The following INAFM1 variants were observed in gnomAD, a reference collection of about 807,000 sequenced individuals.
The protein encoded by INAFM1 is putative transmembrane protein INAFM1.
INAFM1 carries 11 observed loss-of-function variants against 9.4 expected under a neutral mutation model. The ratio of observed to expected loss-of-function variants is 1.17; its 90% CI spans 0.74 to 1.94. INAFM1 has a LOEUF of 1.94. Ranked by LOEUF, INAFM1 falls within the 30% of genes most tolerant of loss-of-function variation. The pLI is 0.00. For synonymous variants in INAFM1, 161 were observed against 109.5 expected, an observed-to-expected ratio of 1.47 and a Z score of -2.94; for missense variants, 318 against 221.6, an observed-to-expected ratio of 1.44 and a Z score of -2.76.
In INAFM1 at chr19:47,275,617, G is replaced by T; in HGVS notation, c.*269G>T. 1 of 504,206 alleles carries T rather than the reference G, an allele frequency of 2.0e-6. No homozygotes were observed. The highest frequency in any genetic ancestry group is 3.6e-6 in the Non-Finnish European group (1 of 280,052). 31.2% of individuals were successfully genotyped at this position (504,206 alleles called of 1,614,324 possible). ...TGCCCCTCCTGCTGTGGGATGCTGA[G>T]CACAGAGCCCACAGCCCATCTGCCT... On this transcript the variant is annotated 3_prime_UTR_variant, in exon 1 of 1. Transcript: ENST00000552360.
Position 47,275,262 on chromosome 19 carries a change from C to CGA in INAFM1, c.344_345insAG (p.Arg116AlafsTer106). 6.5e-7 allele frequency: 1 copy of CGA among 1,540,780 alleles called. No homozygotes were observed. Among genetic ancestry groups the CGA allele is most frequent in the Middle Eastern group, 1.9e-4 (1 of 5,130 alleles). On this transcript the variant is annotated frameshift_variant, in exon 1 of 1. Coordinates refer to ENST00000552360, the MANE Select transcript of INAFM1 (RefSeq NM_178511.6). LOFTEE classifies it high-confidence loss of function. ...GCTCCAGCTGCCGCTGAGCCGCCGC[C>CGA]GCCGCTACAGCGACCCTGACCGCCG...
Position 47,274,957 on chromosome 19 carries a change from G to T in INAFM1, c.38G>T (p.Ser13Ile), listed in dbSNP as rs1350201002. The part of the protein sequence containing the change: ...GTSCVGGGAE[S>I]PGGAGLSEGP... ...AGCTGCGTGGGCGGCGGCGCCGAGA[G>T]CCCCGGAGGCGCGGGGCTGAGCGAG... is the stretch of plus-strand genomic sequence containing the variant. Residue 13 changes from serine (S) to isoleucine (I), a missense_variant, in exon 1 of 1, where the codon AGC (serine) becomes ATC (isoleucine). Physicochemically the swap from Ser to Ile is moderately radical, Grantham distance 142. Coordinates refer to ENST00000552360, the MANE Select transcript of INAFM1 (RefSeq NM_178511.6). 34 of 1,388,450 alleles carry T rather than the reference G, an allele frequency of 2.4e-5. No homozygotes were observed. The highest frequency in any genetic ancestry group is 3.2e-5 in the Non-Finnish European group (34 of 1,078,814). 86.0% of individuals were successfully genotyped at this position (1,388,450 alleles called of 1,614,324 possible).
At position 47,274,996 on chromosome 19, in the gene INAFM1, G is replaced by T. The variant is rs1304946509; in HGVS notation, c.77G>T (p.Arg26Leu). The stretch of plus-strand genomic sequence containing the variant: ...GGGCTGAGCGAGGGCCCGCGGGGGC[G>T]CTGGCTGCGCTTGGCTCCGGTATGC... ...GAGLSEGPRGRWLRLAPVCAY... is the reference protein window; with the variant it reads ...GAGLSEGPRGLWLRLAPVCAY... Residue 26 changes from arginine (R) to leucine (L), a missense_variant, in exon 1 of 1, where the codon CGC becomes CTC. Arg to Leu is a moderately radical substitution (Grantham distance 102). Transcript: ENST00000552360. The T allele has an allele frequency of 3.4e-6, 5 of 1,470,120 alleles. No homozygotes were observed. The highest frequency in any genetic ancestry group is 4.5e-6 in the Non-Finnish European group (5 of 1,115,042). 91.1% of individuals were successfully genotyped at this position (1,470,120 alleles called of 1,614,324 possible). A position where few individuals can be genotyped will look rare whatever the true frequency, so the allele number is the denominator to read the frequency against.
upstream of INAFM1, chr19:47,274,756 C>A: frequency 3.1e-6 from 1 of 318,610 alleles, no homozygotes; most frequent in Non-Finnish European, 4.7e-6. Context: ...GGGGGTGGGC[C>A]TAGGATGCGG....
chr19:47,275,657 ATCCGTG>A lies in INAFM1; in HGVS notation c.*313_*318del. On this transcript the variant is annotated 3_prime_UTR_variant, in exon 1 of 1. Transcript: ENST00000552360. ...CCCATCTGCCTCTTCACCTCCCTGA[ATCCGTG>A]TCCATCTGCAATAAACGACAGCCTC... is the stretch of plus-strand genomic sequence containing the variant. 2.4e-6 allele frequency: 1 copy of A among 422,886 alleles called. No individual in the cohort carries two copies. Among genetic ancestry groups the A allele is most frequent in the Non-Finnish European group, 4.4e-6 (1 of 228,948 alleles). The allele number at this position is 422,886 out of a possible 1,614,324, so 26.2% of individuals were successfully genotyped here.
In INAFM1 at chr19:47,274,890, C is replaced by G; in HGVS notation, c.-30C>G. 2 of 1,251,110 alleles carry G rather than the reference C, an allele frequency of 1.6e-6. No individual in the cohort carries two copies. The highest frequency in any genetic ancestry group is 3.1e-5 in the South Asian group (1 of 32,602). 77.5% of individuals were successfully genotyped at this position (1,251,110 alleles called of 1,614,324 possible). On this transcript the variant is annotated 5_prime_UTR_variant, in exon 1 of 1. Coordinates refer to ENST00000552360, the MANE Select transcript of INAFM1 (RefSeq NM_178511.6). ...CTGGTGGGGGCGGGGCCTGTGCGGTCTGCGGCGCGGAGCCGAGTGGGCTGC... is the reference window on the plus strand; with the variant it reads ...CTGGTGGGGGCGGGGCCTGTGCGGTGTGCGGCGCGGAGCCGAGTGGGCTGC...
chr19:47,275,050 C>T lies in INAFM1; in HGVS notation c.131C>T (p.Ala44Val). The T allele has an allele frequency of 4.0e-6, 6 of 1,492,754 alleles. No homozygotes were observed. The highest frequency in any genetic ancestry group is 1.3e-5 in the South Asian group (1 of 79,328). 92.5% of individuals were successfully genotyped at this position (1,492,754 alleles called of 1,614,324 possible). Residue 44 changes from alanine to valine, a missense_variant, in exon 1 of 1, where the codon GCC becomes GTC. Ala to Val is a moderately conservative substitution (Grantham distance 64, BLOSUM62 0). Coordinates refer to ENST00000552360, the MANE Select transcript of INAFM1 (RefSeq NM_178511.6). ...TACTTCCTCTGCGTCTCGCTAGCTGCCGTGCTGCTCGCCGTGTACTACGGT... is the reference window on the plus strand; with the variant it reads ...TACTTCCTCTGCGTCTCGCTAGCTGTCGTGCTGCTCGCCGTGTACTACGGT... ...CAYFLCVSLAAVLLAVYYGLI... is the reference protein window; with the variant it reads ...CAYFLCVSLAVVLLAVYYGLI...
Position 47,275,560 on chromosome 19 carries a change from A to C in INAFM1, c.*212A>C, listed in dbSNP as rs1219497633. 4 of 616,482 alleles carry C rather than the reference A, an allele frequency of 6.5e-6. No individual in the cohort carries two copies. Among genetic ancestry groups the C allele is most frequent in the Non-Finnish European group, 1.1e-5 (4 of 365,230 alleles). The allele number at this position is 616,482 out of a possible 1,614,324, so 38.2% of individuals were successfully genotyped here. ...CTGTGGTCAGGCCGGGTCCTCCACC[A>C]TCAGGAAGATCCCATCCTGAGCTCT... On this transcript the variant is annotated 3_prime_UTR_variant, in exon 1 of 1. Transcript: ENST00000552360.
rs766478618 is a variant in INAFM1, at chr19:47,275,486, A to G, written c.*138A>G. On this transcript the variant is annotated 3_prime_UTR_variant, in exon 1 of 1. Coordinates refer to ENST00000552360, the MANE Select transcript of INAFM1 (RefSeq NM_178511.6). Reference sequence around the variant, plus strand: ...GTCTCTGGAGCCGTCATCCCGCGGAATGGGGGCCCAGGGGGTGTCAGCTCG... The same window carrying G: ...GTCTCTGGAGCCGTCATCCCGCGGAGTGGGGGCCCAGGGGGTGTCAGCTCG... 4 of 1,260,364 alleles carry G rather than the reference A, an allele frequency of 3.2e-6. No individual in the cohort carries two copies. The African/African-American group carries it at 4.8e-5, about 15-fold the overall frequency. 78.1% of individuals were successfully genotyped at this position (1,260,364 alleles called of 1,614,324 possible). A position where few individuals can be genotyped will look rare whatever the true frequency, so the allele number is the denominator to read the frequency against.
In INAFM1 at chr19:47,275,677, A is replaced by C; in HGVS notation, c.*329A>C. 1.5e-4 allele frequency: 56 copies of C among 366,020 alleles called. No individual in the cohort carries two copies. Among genetic ancestry groups the C allele is most frequent in the East Asian group, 2.1e-4 (4 of 18,924 alleles). 22.7% of individuals were successfully genotyped at this position (366,020 alleles called of 1,614,324 possible). A position where few individuals can be genotyped will look rare whatever the true frequency, so the allele number is the denominator to read the frequency against. On this transcript the variant is annotated 3_prime_UTR_variant, in exon 1 of 1. Transcript: ENST00000552360. ...CCTGAATCCGTGTCCATCTGCAATA[A>C]ACGACAGCCTCGGCTGCCTCGTGCT...
chr19:47,274,615 G>C (rs75900606), upstream of INAFM1: 1 of 194,868 alleles, frequency 5.1e-6, no homozygotes. Flanking sequence ...TGAAGTCCGA[G>C]TCTGGGAAGA....
chr19:47,275,434 G>T lies in INAFM1; in HGVS notation c.*86G>T. 1 of 1,444,176 alleles carries T rather than the reference G, an allele frequency of 6.9e-7. No homozygotes were observed. Among genetic ancestry groups the T allele is most frequent in the Middle Eastern group, 1.9e-4 (1 of 5,250 alleles). The allele number at this position is 1,444,176 out of a possible 1,614,324, so 89.5% of individuals were successfully genotyped here. ...GATGCACCGTCTCTGGATTGGTCCG[G>T]CCTTCTTCCTAATGACATCGCTCAG... On this transcript the variant is annotated 3_prime_UTR_variant, in exon 1 of 1. Coordinates refer to ENST00000552360, the MANE Select transcript of INAFM1 (RefSeq NM_178511.6).
chr19:47,274,747 G>A (rs1156835242), upstream of INAFM1: 28 of 322,024 alleles, frequency 8.7e-5, no homozygotes, highest in African/African-American at 6.1e-4. Flanking sequence ...GAGGCTGGAG[G>A]GGGTGGGCCT....
upstream of INAFM1, chr19:47,274,880 C>T (rs1432683468): frequency 1.9e-5 from 24 of 1,234,366 alleles, no homozygotes; most frequent in African/African-American, 3.3e-4. Context: ...GGGGGCGGGG[C>T]CTGTGCGGTC....
chr19:47,275,227 C>T lies in INAFM1; in HGVS notation c.308C>T (p.Pro103Leu), dbSNP rs1450051548. 2.0e-6 allele frequency: 3 copies of T among 1,531,020 alleles called. No individual in the cohort carries two copies. The highest frequency in any genetic ancestry group is 1.2e-5 in the South Asian group (1 of 83,240). The allele number at this position is 1,531,020 out of a possible 1,614,324, so 94.8% of individuals were successfully genotyped here. ...TGCCTCCTGGGAGTCCCCGGCGGGC[C>T]GCGACCCCAGCTCCAGCTGCCGCTG... ...LSCLLGVPGG[P>L]RPQLQLPLSR... The change falls in exon 1 of 1, where the codon CCG (proline) becomes CTG (leucine). Residue 103 changes from proline to leucine, a missense_variant. Coordinates refer to ENST00000552360, the MANE Select transcript of INAFM1 (RefSeq NM_178511.6).
In INAFM1 at chr19:47,275,453, C is replaced by G. The variant is rs916953453; in HGVS notation, c.*105C>G. On this transcript the variant is annotated 3_prime_UTR_variant, in exon 1 of 1. Transcript: ENST00000552360. ...GGTCCGGCCTTCTTCCTAATGACAT[C>G]GCTCAGCGTCTCTGGAGCCGTCATC... is the stretch of plus-strand genomic sequence containing the variant. 1 of 1,387,792 alleles carries G rather than the reference C, an allele frequency of 7.2e-7. No individual in the cohort carries two copies. Among genetic ancestry groups the G allele is most frequent in the Non-Finnish European group, 9.5e-7 (1 of 1,054,400 alleles). 86.0% of individuals were successfully genotyped at this position (1,387,792 alleles called of 1,614,324 possible).
Position 47,275,113 on chromosome 19 carries a change from CCG to C in INAFM1, c.195_196del (p.Gly66ProfsTer55). 1 of 1,493,578 alleles carries C rather than the reference CCG, an allele frequency of 6.7e-7. No homozygotes were observed. The highest frequency in any genetic ancestry group is 8.9e-7 in the Non-Finnish European group (1 of 1,125,108). 92.5% of individuals were successfully genotyped at this position (1,493,578 alleles called of 1,614,324 possible). On this transcript the variant is annotated frameshift_variant, in exon 1 of 1. Transcript: ENST00000552360. LOFTEE classifies it high-confidence loss of function. ...CCCACGCGGTCTCCCGCGGCACCCGCCGGCCCACAGCCCAGCGCGCCGTCCCC... is the reference window on the plus strand; with the variant it reads ...CCCACGCGGTCTCCCGCGGCACCCGCGCCCACAGCCCAGCGCGCCGTCCCC...
In INAFM1 at chr19:47,275,228, G is replaced by A. The variant is rs983670505; in HGVS notation, c.309G>A (p.Pro103=). 19 of 1,529,790 alleles carry A rather than the reference G, an allele frequency of 1.2e-5. No homozygotes were observed. Among genetic ancestry groups the A allele is most frequent in the East Asian group, 2.6e-5 (1 of 38,248 alleles). The allele number at this position is 1,529,790 out of a possible 1,614,324, so 94.8% of individuals were successfully genotyped here. ...GCCTCCTGGGAGTCCCCGGCGGGCC[G>A]CGACCCCAGCTCCAGCTGCCGCTGA... ...LSCLLGVPGG[P]RPQLQLPLSR... is the part of the protein sequence containing the mutation. Residue 103 remains proline, a synonymous_variant, in exon 1 of 1, where the codon CCG becomes CCA. Coordinates refer to ENST00000552360, the MANE Select transcript of INAFM1 (RefSeq NM_178511.6).
chr19:47,275,468 G>T lies in INAFM1; in HGVS notation c.*120G>T. 7.4e-7 allele frequency: 1 copy of T among 1,358,832 alleles called. No individual in the cohort carries two copies. The allele number at this position is 1,358,832 out of a possible 1,614,324, so 84.2% of individuals were successfully genotyped here. Reference sequence around the variant, plus strand: ...CTAATGACATCGCTCAGCGTCTCTGGAGCCGTCATCCCGCGGAATGGGGGC... The same window carrying T: ...CTAATGACATCGCTCAGCGTCTCTGTAGCCGTCATCCCGCGGAATGGGGGC... On this transcript the variant is annotated 3_prime_UTR_variant, in exon 1 of 1. Coordinates refer to ENST00000552360, the MANE Select transcript of INAFM1 (RefSeq NM_178511.6).
Sources: allele counts gnomAD v4.1 joint callset, GRCh38; gene constraint gnomAD v4.1.1; transcripts MANE v1.5; gene names NCBI Gene and HGNC (gene_info 2026-07-23, HGNC 2026-07-21).